Variants in CPED1 observed in about 807,000 individuals in gnomAD.
CPED1 encodes the protein cadherin-like and PC-esterase domain-containing protein 1.
A neutral mutation model predicts 128.2 loss-of-function variants in CPED1; 114 were observed. That is an observed-to-expected ratio of 0.89 (90% confidence interval 0.76 to 1.04). The LOEUF (loss-of-function observed/expected upper bound fraction) is 1.04, where lower values mean the gene tolerates loss of function less well. CPED1 is among the 50% of genes least tolerant of loss of function. The pLI, the probability that CPED1 is intolerant of heterozygous loss-of-function variation, is 0.00. For missense variants in CPED1, 1,211 were observed against 1,207.1 expected (o/e 1.00, Z -0.05); for synonymous variants, 462 against 426.7 (o/e 1.08, Z -1.02).
At chr7:121,247,610 T>A (rs1584629147) in intron 18 of CPED1, among the ~76,000 whole-genome samples, 2 of 152,098 alleles carry the variant, frequency 1.3e-5, no homozygotes, top group Non-Finnish European at 2.9e-5. Flanking sequence ...GGGGAATAGA[T>A]GAGTGAAGGA....
chr7:121,279,981 T>C (rs953696308), intron 22 of CPED1, among the ~76,000 whole-genome samples: 3 of 152,140 alleles, frequency 2.0e-5, no homozygotes, highest in Non-Finnish European at 2.9e-5. Context: ...CGGAAGATCT[T>C]CTTTGAAAAG....
chr7:121,247,190 C>T (rs1427155745), intron 18 of CPED1, among the ~76,000 whole-genome samples: 1 of 152,146 alleles, frequency 6.6e-6, no homozygotes, highest in Non-Finnish European at 1.5e-5. Flanking sequence ...CAATTATAGA[C>T]TATATCCAGA....
intron 16 of CPED1, among the ~76,000 whole-genome samples, chr7:121,220,375 A>T (rs1797849401): frequency 6.6e-6 from 1 of 151,990 alleles, no homozygotes; most frequent in Non-Finnish European, 1.5e-5. Context: ...ACATTTGCTT[A>T]ACTCACTCTT....
chr7:121,267,360 G>T (rs1428103656), intron 21 of CPED1, 58 bp downstream of exon 21: 1 of 997,478 alleles, frequency 1.0e-6, no homozygotes, highest in Non-Finnish European at 1.5e-6. Context: ...GATCCCTGCT[G>T]GAAAAAGACC....
At chr7:121,168,022 C>T (rs952390025) in intron 16 of CPED1, among the ~76,000 whole-genome samples, 4 of 152,094 alleles carry the variant, frequency 2.6e-5, no homozygotes, top group African/African-American at 4.8e-5. Context: ...CGTGAGCCAC[C>T]GCTCCTGACC....
chr7:121,164,173 C>A (rs1796471008), intron 16 of CPED1, among the ~76,000 whole-genome samples: 1 of 152,174 alleles, frequency 6.6e-6, no homozygotes, highest in African/African-American at 2.4e-5. Flanking sequence ...GGGCATGGCC[C>A]ACTGCTGGAT....
intron 16 of CPED1, among the ~76,000 whole-genome samples, chr7:121,149,095 C>A (rs181730433): frequency 3.6e-4 from 55 of 152,160 alleles, no homozygotes; most frequent in Non-Finnish European, 5.0e-4. Flanking sequence ...AATGCATAAC[C>A]TTTGCAGGTA....
intron 5 of CPED1, among the ~76,000 whole-genome samples, chr7:121,095,356 G>A (rs1209489542): frequency 3.3e-5 from 5 of 152,048 alleles, no homozygotes; most frequent in Middle Eastern, 3.2e-3. Flanking sequence ...ATGTTTACAC[G>A]ATTATTTATA....
chr7:121,158,978 A>C (rs1016915241), intron 16 of CPED1, among the ~76,000 whole-genome samples: 6 of 152,162 alleles, frequency 3.9e-5, no homozygotes, highest in African/African-American at 1.4e-4. Flanking sequence ...TTTAACCATA[A>C]CAATAATAAT....
At chr7:121,008,245 A>G (rs1792074182) in intron 2 of CPED1, among the ~76,000 whole-genome samples, 1 of 152,156 alleles carries the variant, frequency 6.6e-6, no homozygotes, top group African/African-American at 2.4e-5. Flanking sequence ...ACCTACGTAT[A>G]AAGACCAGCA....
Position 121,256,111 on chromosome 7 carries a change from C to CAAAAAAAAAAA in CPED1, c.2311-10114_2311-10104dup, listed in dbSNP as rs1286167648. ...CCCTAATAGTTAAAGCAATCCTAAGCAAAAAAAAAAAACAAAACAAAAAAA... is the reference window on the plus strand; with the variant it reads ...CCCTAATAGTTAAAGCAATCCTAAGCAAAAAAAAAAAAAAAAAAAAAAACAAAACAAAAAAA... On this transcript the variant is annotated intron_variant, in intron 18 of 22. Transcript: ENST00000310396. Among the ~76,000 whole-genome samples the CAAAAAAAAAAA allele has an allele frequency of 3.4e-3, 116 of 34,094 alleles. 8 individuals carry two copies. The highest frequency in any genetic ancestry group is 0.012 in the African/African-American group (110 of 9,078). The allele number at this position is 34,094 out of a possible 152,430, so 22.4% of individuals were successfully genotyped here.
chr7:121,097,273 A>T (rs759947282), intron 5 of CPED1, among the ~76,000 whole-genome samples: 29 of 152,142 alleles, frequency 1.9e-4, no homozygotes, highest in Non-Finnish European at 2.9e-4. Flanking sequence ...AACAAAGTTT[A>T]GTATATCAGC....
At chr7:121,224,937 T>C (rs1039012598) in intron 16 of CPED1, among the ~76,000 whole-genome samples, 2 of 151,978 alleles carry the variant, frequency 1.3e-5, no homozygotes, top group African/African-American at 4.8e-5. Flanking sequence ...AATTTGCCCA[T>C]TTGTGTCTTT....
chr7:121,237,192 T>C (rs988549757), intron 17 of CPED1, among the ~76,000 whole-genome samples: 2 of 152,124 alleles, frequency 1.3e-5, no homozygotes, highest in South Asian at 4.1e-4. Flanking sequence ...AATGACCAAG[T>C]ATTGAATTAA....
intron 7 of CPED1, among the ~76,000 whole-genome samples, chr7:121,103,640 A>C (rs898269205): frequency 1.3e-5 from 2 of 152,064 alleles, no homozygotes; most frequent in Non-Finnish European, 2.9e-5. Flanking sequence ...ATGTTATTAA[A>C]CACTGTCCTT....
At chr7:121,250,244 G>A (rs989443113) in intron 18 of CPED1, among the ~76,000 whole-genome samples, 17 of 151,906 alleles carry the variant, frequency 1.1e-4, no homozygotes, top group Non-Finnish European at 8.8e-5. Context: ...CGAAATGAAG[G>A]CAGAAATAAA....
At chr7:120,998,814 C>CT (rs754633111) in intron 2 of CPED1, among the ~76,000 whole-genome samples, 129 of 143,576 alleles carry the variant, frequency 9.0e-4, no homozygotes, top group South Asian at 3.6e-3. Flanking sequence ...TTGTGGAATC[C>CT]TTTTTTTTTT....
At chr7:121,270,859 C>CT (rs781378376) in intron 21 of CPED1, among the ~76,000 whole-genome samples, 2 of 151,908 alleles carry the variant, frequency 1.3e-5, no homozygotes, top group Non-Finnish European at 2.9e-5. Flanking sequence ...TATTAGGGCT[C>CT]TTTTTTGGTT....
rs769159837 is a variant in CPED1, at chr7:121,182,652, G to A, written c.2055+40511G>A. Among the ~76,000 whole-genome samples the A allele has an allele frequency of 2.1e-4, 32 of 152,082 alleles. 1 individual carries two copies. Among genetic ancestry groups the A allele is most frequent in the South Asian group, 6.2e-4 (3 of 4,812 alleles). On this transcript the variant is annotated intron_variant, in intron 16 of 22. Coordinates refer to ENST00000310396, the MANE Select transcript of CPED1 (RefSeq NM_024913.5). ...ACTGATGTTCAGTGTAGCTTGAAAT[G>A]ACATGCCACAGAGGAATAATGCTGG...
Sources: gnomAD v4.1 joint callset for allele counts (sites outside exome capture counted in the v4.1 genomes callset) on GRCh38, gnomAD v4.1.1 for gene constraint, MANE v1.5 for transcripts, NCBI Gene and HGNC (gene_info 2026-07-23, HGNC 2026-07-21) for gene names.